The following RAPGEF2 variants were observed in gnomAD, a reference collection of about 807,000 sequenced individuals.
RAPGEF2 encodes Rap guanine nucleotide exchange factor 2.
RAPGEF2 carries 54 observed loss-of-function variants against 186.7 expected under a neutral mutation model. The observed-to-expected ratio is 0.29, with a 90% confidence interval of 0.23 to 0.36. The LOEUF is 0.36. Among genes scored for constraint, RAPGEF2 ranks in the 10% least tolerant of loss-of-function variants. The pLI is 1.00. For missense variants in RAPGEF2, 1,532 were observed against 2,045.0 expected, an observed-to-expected ratio of 0.75 and a Z score of 4.84; for synonymous variants, 712 against 705.9, an observed-to-expected ratio of 1.01 and a Z score of -0.14.
At chr4:159,209,296 C>T (rs190767277) in intron 3 of RAPGEF2, among the ~76,000 whole-genome samples, 1 of 151,216 alleles carries the variant, frequency 6.6e-6, no homozygotes, top group East Asian at 1.9e-4. Flanking sequence ...ATAGAAATGA[C>T]TCATGAACTT....
chr4:159,356,852 C>CAACA (rs1732093912), intron 29 of RAPGEF2, among the ~76,000 whole-genome samples: 4 of 151,932 alleles, frequency 2.6e-5, no homozygotes, highest in Non-Finnish European at 5.9e-5. Context: ...AGTGAGCCAA[C>CAACA]AACATGTCAC....
At chr4:159,274,341 G>A (rs909080670) in intron 7 of RAPGEF2, among the ~76,000 whole-genome samples, 2 of 151,994 alleles carry the variant, frequency 1.3e-5, no homozygotes, top group African/African-American at 4.8e-5. Context: ...ACTTTTGAAA[G>A]CCTTTTCAAT....
chr4:159,110,372 G>A (rs967329551), intron 1 of RAPGEF2, among the ~76,000 whole-genome samples: 2 of 152,262 alleles, frequency 1.3e-5, no homozygotes, highest in Admixed American at 1.3e-4. Context: ...TGGATCACTT[G>A]AGGTCAGGAG....
intron 3 of RAPGEF2, among the ~76,000 whole-genome samples, chr4:159,196,057 T>C (rs1748624620): frequency 6.6e-6 from 1 of 152,054 alleles, no homozygotes; most frequent in South Asian, 2.1e-4. Context: ...TAGGTGACAG[T>C]GTTAGTAAGT....
In RAPGEF2 at chr4:159,104,121, G is replaced by C. The variant is rs1737504605; in HGVS notation, c.-42G>C. On this transcript the variant is annotated 5_prime_UTR_variant, in exon 1 of 30. Transcript: ENST00000691494. Reference sequence around the variant, plus strand: ...AGCGGCGCTGGGCCGGGAGGAGGCCGGCCAGGGTGCGGAGCGGCCCCGGCC... The same window carrying C: ...AGCGGCGCTGGGCCGGGAGGAGGCCCGCCAGGGTGCGGAGCGGCCCCGGCC... 7.9e-6 allele frequency: 11 copies of C among 1,390,950 alleles called. No individual in the cohort carries two copies. Among genetic ancestry groups the C allele is most frequent in the Admixed American group, 2.3e-5 (1 of 43,362 alleles). The allele number at this position is 1,390,950 out of a possible 1,614,324, so 86.2% of individuals were successfully genotyped here.
Position 159,345,097 on chromosome 4 carries a change from A to C in RAPGEF2, c.3279-9A>C, listed in dbSNP as rs1234697262. 13 of 1,609,254 alleles carry C rather than the reference A, an allele frequency of 8.1e-6. No homozygotes were observed. Among genetic ancestry groups the C allele is most frequent in the Middle Eastern group, 1.7e-4 (1 of 6,012 alleles). ...GAGTGAGCTGCATATGTACCTTTTC[A>C]TCTTCCAGGTCTCTCAGCCAGGGTA... On this transcript the variant is annotated splice_polypyrimidine_tract_variant and intron_variant, in intron 23 of 29. Transcript: ENST00000691494.
At chr4:159,129,671 G>C (rs776329888) in intron 1 of RAPGEF2, among the ~76,000 whole-genome samples, 9 of 152,172 alleles carry the variant, frequency 5.9e-5, no homozygotes, top group Non-Finnish European at 1.2e-4. Flanking sequence ...AAGAGCAGGT[G>C]TAAATGTCTA....
At chr4:159,115,199 T>C (rs1305533097) in intron 1 of RAPGEF2, among the ~76,000 whole-genome samples, 1 of 152,192 alleles carries the variant, frequency 6.6e-6, no homozygotes, top group African/African-American at 2.4e-5. Flanking sequence ...ATGTATTTTT[T>C]TCATAACTGA....
At chr4:159,340,950 A>C (rs112393993) in intron 19 of RAPGEF2, among the ~76,000 whole-genome samples, 69 of 152,324 alleles carry the variant, frequency 4.5e-4, no homozygotes, top group East Asian at 2.5e-3. Flanking sequence ...ATTCTGACAA[A>C]TAAGTATAAT....
chr4:159,111,320 C>T (rs1055123276), intron 1 of RAPGEF2, among the ~76,000 whole-genome samples: 2 of 152,230 alleles, frequency 1.3e-5, no homozygotes, highest in African/African-American at 4.8e-5. Context: ...GTCATTGGAA[C>T]TAAACTTGTC....
intron 1 of RAPGEF2, among the ~76,000 whole-genome samples, chr4:159,115,003 T>A (rs1287084424): frequency 1.3e-5 from 2 of 152,070 alleles, no homozygotes; most frequent in Non-Finnish European, 2.9e-5. Context: ...AAAAAGAAAA[T>A]AAAAAGGAAT....
chr4:159,146,361 CT>C (rs75242947), intron 1 of RAPGEF2, among the ~76,000 whole-genome samples: 2,691 of 137,718 alleles, frequency 0.02, 45 homozygotes, highest in African/African-American at 0.051. Context: ...AAGCTTTTTT[CT>C]TTTTTTTTTT....
intron 9 of RAPGEF2, among the ~76,000 whole-genome samples, chr4:159,321,935 T>C (rs1210489736): frequency 6.6e-6 from 1 of 152,256 alleles, no homozygotes; most frequent in African/African-American, 2.4e-5. Flanking sequence ...TTATTTCTGC[T>C]GACTATTTTA....
chr4:159,119,972 A>G (rs1258418757), intron 1 of RAPGEF2, among the ~76,000 whole-genome samples: 2 of 152,108 alleles, frequency 1.3e-5, no homozygotes, highest in East Asian at 3.8e-4. Flanking sequence ...TCATTTTTTT[A>G]GGACTTCAGT....
At chr4:159,340,250 A>G (rs1204588811) in intron 19 of RAPGEF2, among the ~76,000 whole-genome samples, 1 of 152,234 alleles carries the variant, frequency 6.6e-6, no homozygotes, top group Non-Finnish European at 1.5e-5. Flanking sequence ...GCCATCAACT[A>G]TAACTTTCTT....
chr4:159,322,270 AC>A, intron 9 of RAPGEF2, 76 bp from the exon 10 acceptor site: 1 of 1,349,846 alleles, frequency 7.4e-7, no homozygotes, highest in Non-Finnish European at 1.0e-6. Context: ...AAAAGAAAGG[AC>A]CCTAAAACAT....
chr4:159,355,516 T>C (rs1347580494), intron 28 of RAPGEF2, among the ~76,000 whole-genome samples: 2 of 152,180 alleles, frequency 1.3e-5, no homozygotes, highest in Non-Finnish European at 2.9e-5. Context: ...TGCTTCAGTC[T>C]TTCCAATAAA....
chr4:159,169,020 A>T (rs7669745), intron 1 of RAPGEF2, among the ~76,000 whole-genome samples: 37,246 of 152,132 alleles, frequency 0.24, 4,835 homozygotes, highest in Admixed American at 0.3. Context: ...ATTCTAGCAA[A>T]CTGAGTTTCT....
At chr4:159,298,650 C>G (rs1427085540) in intron 7 of RAPGEF2, among the ~76,000 whole-genome samples, 1 of 152,138 alleles carries the variant, frequency 6.6e-6, no homozygotes, top group African/African-American at 2.4e-5. Context: ...GAAAGAGAAA[C>G]AATATGAATG....
Sources: gnomAD v4.1 joint callset for allele counts (sites outside exome capture counted in the v4.1 genomes callset) on GRCh38, gnomAD v4.1.1 for gene constraint, MANE v1.5 for transcripts, NCBI Gene and HGNC (gene_info 2026-07-23, HGNC 2026-07-21) for gene names.